The following BCAR3 variants were observed in gnomAD, a reference collection of about 807,000 sequenced individuals.
BCAR3 encodes breast cancer anti-estrogen resistance protein 3.
Under a neutral mutation model 80.1 loss-of-function variants are expected in BCAR3, and 37 were observed. That is an observed-to-expected ratio of 0.46 (90% CI 0.36 to 0.61). The LOEUF is 0.61. BCAR3 is among the 20% of genes least tolerant of loss of function. The pLI is 0.00. For missense variants in BCAR3, 978 were observed against 1,068.2 expected, an observed-to-expected ratio of 0.92 and a Z score of 1.18; for synonymous variants, 389 against 418.9, an observed-to-expected ratio of 0.93 and a Z score of 0.87.
chr1:93,710,312 G>A (rs1260352797), intron 2 of BCAR3, among the ~76,000 whole-genome samples: 3 of 152,200 alleles, frequency 2.0e-5, no homozygotes, highest in African/African-American at 7.2e-5. Context: ...TGGCATGGCT[G>A]GAGCTGGAGA....
At chr1:93,744,330 C>T (rs1284309512) in intron 2 of BCAR3, among the ~76,000 whole-genome samples, 1 of 152,120 alleles carries the variant, frequency 6.6e-6, no homozygotes, top group East Asian at 1.9e-4. Flanking sequence ...CCTGAGGATA[C>T]GTTTCAACAG....
chr1:93,635,566 T>C (rs1485142537), intron 3 of BCAR3, among the ~76,000 whole-genome samples: 12 of 152,144 alleles, frequency 7.9e-5, no homozygotes, highest in Admixed American at 7.2e-4. Context: ...TTGCAGAGAA[T>C]GTTTTTGGGG....
rs1043046751 is a variant in BCAR3 at position 93,733,029 on chromosome 1, GAAATAC to G, written c.-62-26893_-62-26888del. Among the ~76,000 whole-genome samples, 39 of 152,276 alleles carry G rather than the reference GAAATAC, an allele frequency of 2.6e-4. 3 individuals carry two copies. Among genetic ancestry groups the G allele is most frequent in the Admixed American group, 1.2e-3 (19 of 15,304 alleles). On this transcript the variant is annotated intron_variant, in intron 2 of 13. Coordinates refer to the BCAR3 transcript ENST00000370244. Reference sequence around the variant, plus strand: ...AGTCCCCCAGCAAAGAAAGCAACACGAAATACAAAACTGAGACCAATGCAGCATTTT... The same window carrying G: ...AGTCCCCCAGCAAAGAAAGCAACACGAAAACTGAGACCAATGCAGCATTTT...
intron 2 of BCAR3, among the ~76,000 whole-genome samples, chr1:93,837,445 A>G (rs1431098256): frequency 6.6e-6 from 1 of 152,080 alleles, no homozygotes; most frequent in Non-Finnish European, 1.5e-5. Context: ...CAAAACTTCA[A>G]TGAGCTTCTA....
intron 2 of BCAR3, among the ~76,000 whole-genome samples, chr1:93,823,292 A>T (rs1654286608): frequency 7.5e-6 from 1 of 133,678 alleles, no homozygotes; most frequent in African/African-American, 2.5e-5. Flanking sequence ...AGTCAAAAGC[A>T]TCCCAACCAA....
At chr1:93,651,182 G>C (rs1179148765) in intron 2 of BCAR3, among the ~76,000 whole-genome samples, 1 of 152,212 alleles carries the variant, frequency 6.6e-6, no homozygotes, top group Non-Finnish European at 1.5e-5. Context: ...GTAGACACAG[G>C]CTGCTTGTCA....
At chr1:93,789,199 C>T (rs1184102316) in intron 2 of BCAR3, among the ~76,000 whole-genome samples, 7 of 152,284 alleles carry the variant, frequency 4.6e-5, no homozygotes, top group South Asian at 4.1e-4. Context: ...TGGTCTCTAA[C>T]GTGTGGCTTC....
chr1:93,808,042 T>A lies in BCAR3; in HGVS notation c.-63+37525A>T, dbSNP rs1263225972. Among the ~76,000 whole-genome samples, 1,281 of 138,900 alleles carry A rather than the reference T, an allele frequency of 9.2e-3. 7 individuals are homozygous for A. Among genetic ancestry groups the A allele is most frequent in the Non-Finnish European group, 0.013 (812 of 64,016 alleles). The allele number at this position is 138,900 out of a possible 152,430, so 91.1% of individuals were successfully genotyped here. The stretch of plus-strand genomic sequence containing the variant: ...GATAAAGCAAAACTCTTTTTTTTTT[T>A]AAAAAAAAAAAAAAAGAAGAAAAAT... On this transcript the variant is annotated intron_variant, in intron 2 of 13. Transcript: ENST00000370244.
At chr1:93,741,947 G>T (rs1651195193) in intron 2 of BCAR3, among the ~76,000 whole-genome samples, 1 of 152,200 alleles carries the variant, frequency 6.6e-6, no homozygotes, top group African/African-American at 2.4e-5. Flanking sequence ...CTCCAAAGAG[G>T]TTAAATCATT....
At chr1:93,718,700 T>G (rs1650277613) in intron 2 of BCAR3, among the ~76,000 whole-genome samples, 1 of 113,242 alleles carries the variant, frequency 8.8e-6, no homozygotes, top group African/African-American at 3.3e-5. Flanking sequence ...TTTTTTTTTT[T>G]TTTTTTTTTT....
chr1:93,789,727 G>T (rs1653076615), intron 2 of BCAR3, among the ~76,000 whole-genome samples: 1 of 152,230 alleles, frequency 6.6e-6, no homozygotes, highest in Admixed American at 6.5e-5. Flanking sequence ...TTCCAGTGAA[G>T]ATGCAGAGGC....
At chr1:93,634,238 C>A (rs1332642158) in intron 3 of BCAR3, among the ~76,000 whole-genome samples, 1 of 152,196 alleles carries the variant, frequency 6.6e-6, no homozygotes, top group Non-Finnish European at 1.5e-5. Context: ...ATTCAAGATT[C>A]ACCCATGATA....
chr1:93,583,597 G>A (rs1673816292), intron 6 of BCAR3, among the ~76,000 whole-genome samples: 1 of 152,108 alleles, frequency 6.6e-6, no homozygotes, highest in Non-Finnish European at 1.5e-5. Flanking sequence ...AAGGGGAGTT[G>A]GCCTGGACAG....
chr1:93,801,891 GGGTAGATCATGA>G (rs1653492371), intron 2 of BCAR3, among the ~76,000 whole-genome samples: 1 of 152,168 alleles, frequency 6.6e-6, no homozygotes, highest in South Asian at 2.1e-4. Flanking sequence ...AGGCCAAGAT[GGGTAGATCATGA>G]GGTCAGGAGA....
At chr1:93,710,277 C>T (rs925537315) in intron 2 of BCAR3, among the ~76,000 whole-genome samples, 1 of 152,250 alleles carries the variant, frequency 6.6e-6, no homozygotes, top group African/African-American at 2.4e-5. Flanking sequence ...CAGGGAAGCA[C>T]AGCTCTCTGC....
At chr1:93,706,126 G>A (rs1016964556) in exon 3 of BCAR3, 3 of 152,488 alleles carry the variant, frequency 2.0e-5, no homozygotes, top group Admixed American at 6.5e-5. Flanking sequence ...GCCAGCTTGG[G>A]TCAGATGAAG....
intron 3 of BCAR3, among the ~76,000 whole-genome samples, chr1:93,688,111 A>G (rs962745393): frequency 6.6e-6 from 1 of 152,242 alleles, no homozygotes; most frequent in Admixed American, 6.5e-5. Context: ...CTTGGTGTCC[A>G]GTCTACTAGG....
At chr1:93,815,030 C>T (rs1291608027) in intron 2 of BCAR3, among the ~76,000 whole-genome samples, 1 of 152,202 alleles carries the variant, frequency 6.6e-6, no homozygotes, top group Non-Finnish European at 1.5e-5. Context: ...GAGCACCAGG[C>T]ACTGCGTTAG....
intron 7 of BCAR3, among the ~76,000 whole-genome samples, chr1:93,581,063 G>T (rs1673685238): frequency 6.6e-6 from 1 of 152,140 alleles, no homozygotes; most frequent in Non-Finnish European, 1.5e-5. Context: ...TCAGGAGGCT[G>T]AGGTGGGAGG....
Sources: gnomAD v4.1 joint callset for allele counts (sites outside exome capture counted in the v4.1 genomes callset) on GRCh38, gnomAD v4.1.1 for gene constraint, MANE v1.5 for transcripts, NCBI Gene and HGNC (gene_info 2026-07-23, HGNC 2026-07-21) for gene names.